Variants in TRAPPC12 observed in about 807,000 individuals in gnomAD.
TRAPPC12 encodes the protein TPR repeat protein 15.
TRAPPC12 carries 61 observed loss-of-function variants against 69.2 expected under a neutral mutation model. The ratio of observed to expected loss-of-function variants is 0.88; its 90% confidence interval spans 0.72 to 1.09. The LOEUF is 1.09. Ranked by LOEUF, TRAPPC12 falls within the 50% of genes least tolerant of loss-of-function variation. The pLI, the probability that TRAPPC12 is intolerant of heterozygous loss-of-function variation, is 0.00. For synonymous variants in TRAPPC12, 469 were observed against 438.9 expected, an observed-to-expected ratio of 1.07 and a Z score of -0.86; for missense variants, 1,101 against 1,016.4, an observed-to-expected ratio of 1.08 and a Z score of -1.13.
Position 3,443,765 on chromosome 2 carries a change from T to G in TRAPPC12, c.1418-14T>G. 1.9e-6 allele frequency: 3 copies of G among 1,612,198 alleles called. No homozygotes were observed. Among genetic ancestry groups the G allele is most frequent in the Non-Finnish European group, 2.5e-6 (3 of 1,178,380 alleles). On this transcript the variant is annotated splice_polypyrimidine_tract_variant and intron_variant, in intron 5 of 11. Coordinates refer to ENST00000324266, the MANE Select transcript of TRAPPC12 (RefSeq NM_016030.6). The stretch of plus-strand genomic sequence containing the variant: ...TATGGCAAACAAACTCACTCAGCAC[T>G]GATTGGATTCCAGGCTCCATGGTCC...
At chr2:3,383,355 C>T (rs9808246) in intron 1 of TRAPPC12, among the ~76,000 whole-genome samples, 60,005 of 151,628 alleles carry the variant, frequency 0.4, 12,111 homozygotes, top group Admixed American at 0.46. Context: ...ATATTTTCTT[C>T]TGAAAGTTTT....
chr2:3,424,678 T>G lies in TRAPPC12; in HGVS notation c.1417+15T>G. 1 of 1,572,522 alleles carries G rather than the reference T, an allele frequency of 6.4e-7. No homozygotes were observed. Among genetic ancestry groups the G allele is most frequent in the Non-Finnish European group, 8.6e-7 (1 of 1,162,130 alleles). ...TGGGCGCAGGGGTAAGGCCATGGTA[T>G]TTAATATTTGTACATTTGTCTGTGT... On this transcript the variant is annotated intron_variant, in intron 5 of 11. Transcript: ENST00000324266.
intron 4 of TRAPPC12, among the ~76,000 whole-genome samples, chr2:3,424,233 C>T (rs919930161): frequency 6.6e-6 from 1 of 152,192 alleles, no homozygotes; most frequent in African/African-American, 2.4e-5. Flanking sequence ...GTAATTTCTT[C>T]TTAGAGACAG....
At chr2:3,388,903 A>AG in intron 2 of TRAPPC12, 3 of 461,220 alleles carry the variant, frequency 6.5e-6, no homozygotes, top group Non-Finnish European at 1.1e-5. Flanking sequence ...AATACCACCA[A>AG]GGCAGACAGT....
At chr2:3,424,983 CAT>C (rs1055159629) in intron 5 of TRAPPC12, among the ~76,000 whole-genome samples, 4 of 152,358 alleles carry the variant, frequency 2.6e-5, no homozygotes, top group Middle Eastern at 6.8e-3. Context: ...AGAGCCGTCC[CAT>C]ATCGGGACCT....
intron 9 of TRAPPC12, among the ~76,000 whole-genome samples, chr2:3,468,386 G>A (rs900957858): frequency 2.0e-5 from 3 of 151,812 alleles, no homozygotes; most frequent in South Asian, 2.1e-4. Context: ...TCAGGCTGGC[G>A]TGGCTCTGAG....
intron 9 of TRAPPC12, among the ~76,000 whole-genome samples, chr2:3,466,958 C>T (rs1018785989): frequency 9.2e-5 from 14 of 152,252 alleles, no homozygotes; most frequent in African/African-American, 2.9e-4. Flanking sequence ...AGATTCCTCA[C>T]TACCCTGGAG....
At chr2:3,417,347 C>T (rs564062409) in intron 3 of TRAPPC12, among the ~76,000 whole-genome samples, 1 of 152,334 alleles carries the variant, frequency 6.6e-6, no homozygotes, top group East Asian at 1.9e-4. Flanking sequence ...CCCCCGCTGC[C>T]TGCTGCTCTC....
chr2:3,478,997 CCACA>C, intron 11 of TRAPPC12, 64 bp downstream of exon 11: 1 of 1,539,682 alleles, frequency 6.5e-7, no homozygotes, highest in Non-Finnish European at 8.9e-7. Context: ...AAACATACAC[CCACA>C]CACGTCTCAG....
intron 6 of TRAPPC12, among the ~76,000 whole-genome samples, chr2:3,453,154 C>T (rs1427853057): frequency 6.6e-6 from 1 of 152,214 alleles, no homozygotes; most frequent in Non-Finnish European, 1.5e-5. Context: ...GCCTCCTCCA[C>T]AGGTTTATTT....
At chr2:3,383,345 A>G (rs1172355379) in intron 1 of TRAPPC12, among the ~76,000 whole-genome samples, 2 of 152,038 alleles carry the variant, frequency 1.3e-5, no homozygotes, top group Admixed American at 6.6e-5. Flanking sequence ...ATATTCTCTT[A>G]TATTTTCTTC....
intron 3 of TRAPPC12, among the ~76,000 whole-genome samples, chr2:3,416,241 C>T (rs1662386121): frequency 6.6e-6 from 1 of 152,128 alleles, no homozygotes; most frequent in East Asian, 1.9e-4. Flanking sequence ...TCAGTATGAA[C>T]AGAGAGCTAA....
chr2:3,457,302 G>GGA, intron 6 of TRAPPC12: 3 of 397,200 alleles, frequency 7.6e-6, no homozygotes, highest in Non-Finnish European at 1.5e-5. Context: ...GGGAGGGTGG[G>GGA]ATGGGAGGAA....
At chr2:3,444,378 C>T (rs1177874261) in intron 6 of TRAPPC12, among the ~76,000 whole-genome samples, 1 of 152,240 alleles carries the variant, frequency 6.6e-6, no homozygotes, top group African/African-American at 2.4e-5. Context: ...GGAGTGTTTT[C>T]GGACTCATTC....
chr2:3,445,570 G>C (rs2103105167), intron 6 of TRAPPC12, among the ~76,000 whole-genome samples: 1 of 152,314 alleles, frequency 6.6e-6, no homozygotes, highest in Non-Finnish European at 1.5e-5. Context: ...ACTGCTCTGA[G>C]TTCCAATATT....
intron 5 of TRAPPC12, among the ~76,000 whole-genome samples, chr2:3,432,143 T>C (rs370699336): frequency 3.9e-5 from 6 of 152,390 alleles, no homozygotes; most frequent in African/African-American, 1.4e-4. Flanking sequence ...ATCTTCACTA[T>C]GCAGTTTAAG....
Position 3,387,676 on chromosome 2 carries a change from C to G in TRAPPC12, c.53C>G (p.Pro18Arg). 3 of 1,557,842 alleles carry G rather than the reference C, an allele frequency of 1.9e-6. No individual in the cohort carries two copies. The South Asian group carries it at 3.5e-5, about 18-fold the overall frequency. ...EETPAPEAPH[P>R]PQLAPPEEQG... ...ACCCCGGCCCCGGAGGCCCCGCACC[C>G]CCCTCAGCTCGCGCCTCCGGAGGAG... is the stretch of plus-strand genomic sequence containing the variant. The change falls in exon 2 of 12, where the codon CCC (proline) becomes CGC (arginine). Residue 18 changes from proline (P) to arginine (R), a missense_variant. Transcript: ENST00000324266.
At chr2:3,468,264 C>T (rs1665910869) in intron 9 of TRAPPC12, among the ~76,000 whole-genome samples, 1 of 151,946 alleles carries the variant, frequency 6.6e-6, no homozygotes, top group Non-Finnish European at 1.5e-5. Flanking sequence ...CACCCCAGCC[C>T]TCTCAGCAAG....
rs1352637844 is a variant in TRAPPC12, at chr2:3,479,184, G to A, written c.1966-35G>A. 4.4e-6 allele frequency: 7 copies of A among 1,600,516 alleles called. No homozygotes were observed. The East Asian group carries it at 1.6e-4, about 36-fold the overall frequency. On this transcript the variant is annotated intron_variant, in intron 11 of 11. Coordinates refer to ENST00000324266, the MANE Select transcript of TRAPPC12 (RefSeq NM_016030.6). ...GAATGGGCGGGCGTCTGTCCTGGTT[G>A]TGTGGGCCAACCCTGGGCGTGTGCT...
Sources: gnomAD v4.1 joint callset for allele counts (sites outside exome capture counted in the v4.1 genomes callset) on GRCh38, gnomAD v4.1.1 for gene constraint, MANE v1.5 for transcripts, NCBI Gene and HGNC (gene_info 2026-07-23, HGNC 2026-07-21) for gene names.